USP22: variants seen among roughly 807,000 people sequenced by gnomAD.
USP22 encodes ubiquitin specific peptidase 22.
In USP22, 22 loss-of-function variants were observed where a neutral mutation model predicts 68.1. The observed-to-expected ratio is 0.32, with a 90% CI of 0.23 to 0.46. The LOEUF (loss-of-function observed/expected upper bound fraction) is 0.46, where lower values mean the gene tolerates loss of function less well. Among genes scored for constraint, USP22 ranks in the 20% least tolerant of loss-of-function variants. The probability of loss-of-function intolerance (pLI) is 1.00; values close to 1 mark genes in which losing one functional copy is unlikely to be tolerated. For synonymous variants in USP22, 279 were observed against 274.2 expected (o/e 1.02, Z -0.17); for missense variants, 433 against 695.8 (o/e 0.62, Z 4.25).
intron 8 of USP22, 129 bp from the exon 9 acceptor site, chr17:21,008,125 A>G: frequency 8.9e-7 from 1 of 1,123,084 alleles, no homozygotes; most frequent in South Asian, 1.8e-5. Context: ...ACAACTAAAA[A>G]TGAAACAATG....
At chr17:21,021,993 G>A (rs961169587) in intron 2 of USP22, among the ~76,000 whole-genome samples, 28 of 152,094 alleles carry the variant, frequency 1.8e-4, no homozygotes, top group African/African-American at 5.8e-4. Flanking sequence ...CCAGCTATTC[G>A]GGGAGCTGAG....
At chr17:21,006,798 C>T (rs1054542939) in intron 10 of USP22, 98 bp downstream of exon 10, 15 of 1,031,546 alleles carry the variant, frequency 1.5e-5, no homozygotes, top group South Asian at 7.9e-5. Flanking sequence ...CCACTGCACC[C>T]GGCCAACAGT....
chr17:21,008,082 T>C (rs1913834270), intron 8 of USP22, 86 bp from the exon 9 acceptor site: 4 of 1,474,976 alleles, frequency 2.7e-6, no homozygotes, highest in Admixed American at 2.3e-5. Context: ...ATCTCTTTCA[T>C]TGGGTTGATT....
intron 2 of USP22, among the ~76,000 whole-genome samples, chr17:21,025,759 A>G (rs1017735813): frequency 6.6e-6 from 1 of 152,244 alleles, no homozygotes; most frequent in Non-Finnish European, 1.5e-5. Flanking sequence ...CACATGTTAT[A>G]TGATTCCACA....
chr17:21,042,929 C>G lies in USP22; in HGVS notation c.-94G>C. On this transcript the variant is annotated 5_prime_UTR_variant, in exon 1 of 13. Coordinates refer to ENST00000261497, the MANE Select transcript of USP22 (RefSeq NM_015276.2). The stretch of plus-strand genomic sequence containing the variant: ...GGGGGCTGCTCGGCGGCTGGCCAGG[C>G]TGGCCAAGGCCCGGGCGCCGAGAAC... 1.2e-6 allele frequency: 1 copy of G among 846,894 alleles called. No individual in the cohort carries two copies. The highest frequency in any genetic ancestry group is 5.6e-5 in the South Asian group (1 of 17,970). 52.5% of individuals were successfully genotyped at this position (846,894 alleles called of 1,614,324 possible).
chr17:21,029,014 C>A (rs930061621), intron 1 of USP22, among the ~76,000 whole-genome samples: 16 of 149,604 alleles, frequency 1.1e-4, no homozygotes, highest in African/African-American at 2.2e-4. Flanking sequence ...GCAACTCACA[C>A]CTAGTCACCC....
chr17:21,022,660 A>C (rs765910430), intron 2 of USP22, among the ~76,000 whole-genome samples: 1 of 152,160 alleles, frequency 6.6e-6, no homozygotes, highest in Non-Finnish European at 1.5e-5. Context: ...TTAGCCAGGC[A>C]TGGTGGCAGG....
At chr17:21,009,150 G>A (rs1168455757) in intron 8 of USP22, among the ~76,000 whole-genome samples, 1 of 149,788 alleles carries the variant, frequency 6.7e-6, no homozygotes, top group Non-Finnish European at 1.5e-5. Flanking sequence ...TTTCCTGACC[G>A]TGCAGAGGCA....
rs1198561867 is a variant in USP22, at chr17:21,004,242, T to C, written c.1495A>G (p.Ile499Val). The C allele has an allele frequency of 1.2e-6, 2 of 1,614,200 alleles. No homozygotes were observed. Among genetic ancestry groups the C allele is most frequent in the East Asian group, 2.2e-5 (1 of 44,888 alleles). ...DQWFKCDDAI[I>V]TKASIKDVLD... is the part of the protein sequence containing the mutation. ...ACGTCCTTGATGCTGGCCTTGGTGATGATGGCATCGTCACACTTGAACCAC... is the reference window on the plus strand; with the variant it reads ...ACGTCCTTGATGCTGGCCTTGGTGACGATGGCATCGTCACACTTGAACCAC... Residue 499 changes from isoleucine (I) to valine (V), a missense_variant, in exon 12 of 13, where the codon ATC becomes GTC. Transcript: ENST00000261497.
chr17:21,005,365 C>T (rs758789974), intron 10 of USP22, among the ~76,000 whole-genome samples: 2 of 152,224 alleles, frequency 1.3e-5, no homozygotes, highest in African/African-American at 2.4e-5. Flanking sequence ...TACGCTGAAT[C>T]CATTCTACAA....
chr17:21,017,497 G>C (rs1183496140), intron 5 of USP22, among the ~76,000 whole-genome samples: 1 of 152,246 alleles, frequency 6.6e-6, no homozygotes, highest in African/African-American at 2.4e-5. Flanking sequence ...AACAGCCAAC[G>C]TGCAGCGCGT....
chr17:21,009,171 G>A (rs1913870880), intron 8 of USP22, among the ~76,000 whole-genome samples: 1 of 151,632 alleles, frequency 6.6e-6, no homozygotes, highest in Admixed American at 6.6e-5. Context: ...GGAGGTAGGA[G>A]GGCTGCATCA....
Position 21,011,231 on chromosome 17 carries a change from C to A in USP22, c.1023G>T (p.Leu341=). 2 of 1,608,460 alleles carry A rather than the reference C, an allele frequency of 1.2e-6. No homozygotes were observed. Among genetic ancestry groups the A allele is most frequent in the Non-Finnish European group, 1.7e-6 (2 of 1,177,448 alleles). ...CCACGTTGCCCTCGCTCCCTGGGCTCAGGGGCCAGAATGGGGTGGAAGAGC... is the reference window on the plus strand; with the variant it reads ...CCACGTTGCCCTCGCTCCCTGGGCTAAGGGGCCAGAATGGGGTGGAAGAGC... ...LPGSSTPFWP[L]SPGSEGNVVN... is the part of the protein sequence containing the mutation. Residue 341 remains leucine, a synonymous_variant, in exon 8 of 13, where the codon CTG becomes CTT. Transcript: ENST00000261497.
At position 21,004,058 on chromosome 17, in the gene USP22, A is replaced by C. The variant is rs1273060557; in HGVS notation, c.1535+144T>G. 5.0e-6 allele frequency: 6 copies of C among 1,206,714 alleles called. No individual in the cohort carries two copies. The South Asian group carries it at 9.5e-5, about 19-fold the overall frequency. The allele number at this position is 1,206,714 out of a possible 1,614,324, so 74.8% of individuals were successfully genotyped here. A position where few individuals can be genotyped will look rare whatever the true frequency, so the allele number is the denominator to read the frequency against. On this transcript the variant is annotated intron_variant, in intron 12 of 12. Coordinates refer to ENST00000261497, the MANE Select transcript of USP22 (RefSeq NM_015276.2). ...GAGCACCCATCGAGGCTGGCATCCT[A>C]TCCAGAACAGGCTTCATTACTTCGG... is the stretch of plus-strand genomic sequence containing the variant.
At position 21,007,084 on chromosome 17, in the gene USP22, A is replaced by G. The variant is rs1463812380; in HGVS notation, c.1231-97T>C. ...TCTTCTGATGACAGGTGTCTGTGTT[A>G]TCTCTTTTGTATTTTATTGAACTGC... On this transcript the variant is annotated intron_variant, in intron 9 of 12. Coordinates refer to ENST00000261497, the MANE Select transcript of USP22 (RefSeq NM_015276.2). 3 of 1,060,518 alleles carry G rather than the reference A, an allele frequency of 2.8e-6. No homozygotes were observed. The East Asian group carries it at 8.2e-5, about 29-fold the overall frequency. The allele number at this position is 1,060,518 out of a possible 1,614,324, so 65.7% of individuals were successfully genotyped here.
intron 1 of USP22, among the ~76,000 whole-genome samples, chr17:21,033,232 T>C (rs1217702218): frequency 6.6e-6 from 1 of 152,220 alleles, no homozygotes; most frequent in African/African-American, 2.4e-5. Context: ...CAATGATTTC[T>C]GAATTAAATC....
intron 1 of USP22, among the ~76,000 whole-genome samples, chr17:21,038,024 T>A (rs553791142): frequency 6.6e-6 from 1 of 152,210 alleles, no homozygotes; most frequent in Admixed American, 6.5e-5. Flanking sequence ...AGACCCCACT[T>A]AGTATGAATG....
intron 1 of USP22, among the ~76,000 whole-genome samples, chr17:21,032,226 G>GTA (rs1438912863): frequency 6.6e-6 from 1 of 152,200 alleles, no homozygotes; most frequent in African/African-American, 2.4e-5. Flanking sequence ...GCAGCAGGCT[G>GTA]TACCATCTAG....
At chr17:21,009,785 T>C (rs1913893200) in intron 8 of USP22, among the ~76,000 whole-genome samples, 1 of 151,908 alleles carries the variant, frequency 6.6e-6, no homozygotes, top group Non-Finnish European at 1.5e-5. Flanking sequence ...CGAAACCTAG[T>C]CTCTACTAAA....
Sources: allele counts gnomAD v4.1 joint callset (sites outside exome capture counted in the v4.1 genomes callset), GRCh38; gene constraint gnomAD v4.1.1; transcripts MANE v1.5; gene names NCBI Gene and HGNC (gene_info 2026-07-23, HGNC 2026-07-21).